Variants in CSMD1 observed in about 807,000 individuals in gnomAD.
The protein encoded by CSMD1 is CUB and sushi domain-containing protein 1.
CSMD1 carries 213 observed loss-of-function variants against 417.5 expected under a neutral mutation model. The ratio of observed to expected loss-of-function variants is 0.51; its 90% CI spans 0.46 to 0.57. The LOEUF (loss-of-function observed/expected upper bound fraction) is 0.57, where lower values mean the gene tolerates loss of function less well. CSMD1 is among the 20% of genes least tolerant of loss of function. CSMD1 has a pLI of 0.00. For missense variants in CSMD1, 6,923 were observed against 4,529.7 expected (o/e 1.53, Z -15.17); for synonymous variants, 2,862 against 1,736.8 (o/e 1.65, Z -16.11).
At chr8:3,733,983 G>A (rs1301225332) in intron 6 of CSMD1, among the ~76,000 whole-genome samples, 1 of 152,084 alleles carries the variant, frequency 6.6e-6, no homozygotes, top group African/African-American at 2.4e-5. Flanking sequence ...ATAAGGGGGG[G>A]ATGTCTGTAC....
At chr8:3,809,570 T>C (rs1563102360) in intron 5 of CSMD1, among the ~76,000 whole-genome samples, 1 of 152,126 alleles carries the variant, frequency 6.6e-6, no homozygotes, top group African/African-American at 2.4e-5. Flanking sequence ...CTGGGAGAGC[T>C]TGTGAAAGTG....
intron 7 of CSMD1, among the ~76,000 whole-genome samples, chr8:3,671,386 T>C (rs1051797557): frequency 1.4e-5 from 2 of 147,512 alleles, no homozygotes; most frequent in Non-Finnish European, 1.5e-5. Context: ...CTTTTATATC[T>C]CAGAAGCATA....
chr8:3,251,987 A>G (rs991024900), intron 26 of CSMD1, among the ~76,000 whole-genome samples: 1 of 152,200 alleles, frequency 6.6e-6, no homozygotes, highest in African/African-American at 2.4e-5. Context: ...GGTTTTCTAG[A>G]TATAGAATCA....
intron 7 of CSMD1, among the ~76,000 whole-genome samples, chr8:3,632,825 T>A (rs1245495162): frequency 1.3e-5 from 2 of 152,220 alleles, no homozygotes; most frequent in African/African-American, 2.4e-5. Context: ...CTGTGTCTAT[T>A]GGTTCCCCTT....
chr8:3,202,103 G>A (rs1428517600), intron 31 of CSMD1, among the ~76,000 whole-genome samples: 2 of 152,124 alleles, frequency 1.3e-5, no homozygotes, highest in African/African-American at 4.8e-5. Flanking sequence ...GGAAGGCGAA[G>A]GTTGCAATGA....
intron 2 of CSMD1, among the ~76,000 whole-genome samples, chr8:4,486,164 TATATATATATACATAC>T (rs1482133824): frequency 1.1e-3 from 22 of 20,828 alleles, no homozygotes; most frequent in African/African-American, 3.7e-3. Flanking sequence ...TATACATACA[TATATATATATACATAC>T]ATATATATAT....
intron 4 of CSMD1, among the ~76,000 whole-genome samples, chr8:4,008,897 A>AT (rs1241546238): frequency 1.3e-5 from 2 of 152,158 alleles, no homozygotes; most frequent in African/African-American, 4.8e-5. Flanking sequence ...GGCGTGAGCC[A>AT]CCGCGCCCAG....
intron 3 of CSMD1, among the ~76,000 whole-genome samples, chr8:4,203,403 C>T (rs576507737): frequency 3.9e-5 from 6 of 152,242 alleles, no homozygotes; most frequent in African/African-American, 1.4e-4. Context: ...GGTTTCTATG[C>T]CACTACATTT....
chr8:4,787,083 T>G (rs1797438567), intron 1 of CSMD1, among the ~76,000 whole-genome samples: 1 of 152,158 alleles, frequency 6.6e-6, no homozygotes, highest in African/African-American at 2.4e-5. Context: ...ATCTAATTAC[T>G]GATAGCAGGG....
At chr8:3,686,388 C>T (rs1034222987) in intron 7 of CSMD1, among the ~76,000 whole-genome samples, 2 of 152,104 alleles carry the variant, frequency 1.3e-5, no homozygotes, top group Admixed American at 6.5e-5. Context: ...GCCACACTGA[C>T]GATGAGAGTT....
intron 2 of CSMD1, among the ~76,000 whole-genome samples, chr8:4,592,280 A>G (rs1800029953): frequency 1.3e-5 from 2 of 151,596 alleles, no homozygotes; most frequent in South Asian, 4.2e-4. Context: ...ATTACAGAAT[A>G]GTGAAAGTGG....
In CSMD1 at chr8:4,146,675, G is replaced by T. The variant is rs562045307; in HGVS notation, c.416-114576C>A. 1.9e-4 allele frequency among the ~76,000 whole-genome samples: 24 copies of T among 128,940 alleles called. No homozygotes were observed. In the South Asian group the frequency reaches 5.8e-3, roughly 31 times the overall value. The allele number at this position is 128,940 out of a possible 152,430, so 84.6% of individuals were successfully genotyped here. A position where few individuals can be genotyped will look rare whatever the true frequency, so the allele number is the denominator to read the frequency against. ...CCCCCAGGCTGGAGCGCAGTGGTGT[G>T]ATCTGGACTCACTGCAAGCTCCACC... is the stretch of plus-strand genomic sequence containing the variant. On this transcript the variant is annotated intron_variant, in intron 3 of 69. Transcript: ENST00000635120.
At chr8:3,168,558 T>C (rs1032476211) in intron 37 of CSMD1, among the ~76,000 whole-genome samples, 1 of 152,068 alleles carries the variant, frequency 6.6e-6, no homozygotes, top group East Asian at 1.9e-4. Flanking sequence ...GCCATGATTA[T>C]AGACAGCTAT....
intron 10 of CSMD1, among the ~76,000 whole-genome samples, chr8:3,533,818 T>C (rs920119613): frequency 6.6e-6 from 1 of 152,176 alleles, no homozygotes; most frequent in East Asian, 1.9e-4. Context: ...AAGTTCACTT[T>C]TTTTCTCCCA....
At chr8:3,710,837 G>C (rs887392983) in intron 6 of CSMD1, among the ~76,000 whole-genome samples, 2 of 152,152 alleles carry the variant, frequency 1.3e-5, no homozygotes, top group Non-Finnish European at 2.9e-5. Context: ...AATTTGAACT[G>C]AAATCTTCCA....
chr8:3,642,873 T>C (rs998120562), intron 7 of CSMD1, among the ~76,000 whole-genome samples: 5 of 151,974 alleles, frequency 3.3e-5, no homozygotes, highest in African/African-American at 1.2e-4. Context: ...ATTATACATA[T>C]ATATAGATTA....
Position 3,712,408 on chromosome 8 carries a change from GAC to G in CSMD1, c.932-3919_932-3918del, listed in dbSNP as rs1329083006. The stretch of plus-strand genomic sequence containing the variant: ...AGAGAGAGAGAGAGAGAGACAGACA[GAC>G]AGACAGACAGACAGACAGACAGACA... On this transcript the variant is annotated intron_variant, in intron 6 of 69. Coordinates refer to ENST00000635120, the MANE Select transcript of CSMD1 (RefSeq NM_033225.6). 6.6e-3 allele frequency among the ~76,000 whole-genome samples: 391 copies of G among 58,980 alleles called. 2 individuals carry two copies. The highest frequency in any genetic ancestry group is 0.016 in the African/African-American group (371 of 23,750). The allele number at this position is 58,980 out of a possible 152,430, so 38.7% of individuals were successfully genotyped here. A position where few individuals can be genotyped will look rare whatever the true frequency, so the allele number is the denominator to read the frequency against.
intron 5 of CSMD1, among the ~76,000 whole-genome samples, chr8:3,896,241 T>C (rs1339278721): frequency 6.6e-6 from 1 of 152,152 alleles, no homozygotes; most frequent in Non-Finnish European, 1.5e-5. Context: ...GTCACCAAAA[T>C]TTCTCAAAAC....
intron 1 of CSMD1, among the ~76,000 whole-genome samples, chr8:4,734,568 G>C (rs939289694): frequency 2.6e-5 from 4 of 151,944 alleles, no homozygotes; most frequent in African/African-American, 9.7e-5. Flanking sequence ...GTAAATGCTG[G>C]GTATTAAATT....
Sources: gnomAD v4.1 joint callset for allele counts (sites outside exome capture counted in the v4.1 genomes callset) on GRCh38, gnomAD v4.1.1 for gene constraint, MANE v1.5 for transcripts, NCBI Gene and HGNC (gene_info 2026-07-23, HGNC 2026-07-21) for gene names.